Variants in ASPSCR1 observed in about 807,000 individuals in gnomAD.
The protein encoded by ASPSCR1 is ASPSCR1 tether for SLC2A4, UBX domain containing.
ASPSCR1 carries 55 observed loss-of-function variants against 68.9 expected under a neutral mutation model. The observed-to-expected ratio is 0.80, with a 90% confidence interval of 0.64 to 1.00. The LOEUF is 1.00. ASPSCR1 is among the 50% of genes least tolerant of loss of function. The probability of loss-of-function intolerance (pLI) is 0.00; values close to 1 mark genes in which losing one functional copy is unlikely to be tolerated. For missense variants in ASPSCR1, 765 were observed against 762.2 expected (o/e 1.00, Z -0.04); for synonymous variants, 352 against 332.6 (o/e 1.06, Z -0.63).
intron 4 of ASPSCR1, among the ~76,000 whole-genome samples, chr17:81,992,922 T>C (rs1026589727): frequency 1.3e-5 from 2 of 152,116 alleles, no homozygotes; most frequent in African/African-American, 4.8e-5. Context: ...GGCTCCCCTG[T>C]AGGCAGTGGA....
At position 81,996,033 on chromosome 17, in the gene ASPSCR1, G is replaced by A. The variant is rs746862778; in HGVS notation, c.474G>A (p.Ser158=). 3.1e-6 allele frequency: 5 copies of A among 1,610,212 alleles called. No homozygotes were observed. The highest frequency in any genetic ancestry group is 3.3e-5 in the Admixed American group (2 of 59,756). Residue 158 remains serine, a synonymous_variant, in exon 6 of 16, where the codon TCG becomes TCA. Coordinates refer to ENST00000306739, the MANE Select transcript of ASPSCR1 (RefSeq NM_024083.4). ...EAALRGTTLQ[S]LGLTGGSATI... ...CCCTGCGGGGCACGACGCTGCAGTC[G>A]CTGGGCCTGACCGGGGGCAGCGCCA...
intron 2 of ASPSCR1, among the ~76,000 whole-genome samples, chr17:81,982,421 T>C (rs747833748): frequency 1.3e-5 from 2 of 152,246 alleles, no homozygotes; most frequent in Non-Finnish European, 2.9e-5. Flanking sequence ...GCTTACAAAG[T>C]GCAGCCGGTG....
chr17:82,010,091 T>TTG lies in ASPSCR1; in HGVS notation c.1170+525_1170+526insGT, dbSNP rs750966096. The TTG allele has an allele frequency of 9.6e-4, 310 of 321,252 alleles. 1 individual carries two copies. Among genetic ancestry groups the TTG allele is most frequent in the South Asian group, 6.4e-3 (299 of 46,500 alleles). The allele number at this position is 321,252 out of a possible 1,614,324, so 19.9% of individuals were successfully genotyped here. A position where few individuals can be genotyped will look rare whatever the true frequency, so the allele number is the denominator to read the frequency against. ...CTAGCTCGGCTAATTTTTGTTGTTT[T>TTG]TTTTTTTTTTACTAGAGATGGAGTT... is the stretch of plus-strand genomic sequence containing the variant. On this transcript the variant is annotated intron_variant, in intron 9 of 15. Coordinates refer to ENST00000306739, the MANE Select transcript of ASPSCR1 (RefSeq NM_024083.4).
intron 4 of ASPSCR1, among the ~76,000 whole-genome samples, chr17:81,993,461 T>C (rs1425980457): frequency 6.6e-6 from 1 of 152,176 alleles, no homozygotes; most frequent in Non-Finnish European, 1.5e-5. Context: ...GATCCGCCCA[T>C]CTCGGCCTCC....
intron 7 of ASPSCR1, among the ~76,000 whole-genome samples, chr17:81,997,624 G>A (rs1402105883): frequency 1.3e-5 from 2 of 150,036 alleles, no homozygotes; most frequent in South Asian, 2.1e-4. Flanking sequence ...GAGTAGCTGG[G>A]ACTACAAGCG....
At chr17:82,015,517 C>CG in intron 12 of ASPSCR1, 1 of 938,778 alleles carries the variant, frequency 1.1e-6, no homozygotes, top group Non-Finnish European at 1.5e-6. Flanking sequence ...GGGTCCTGGC[C>CG]TGTGGGGGCT....
chr17:82,009,007 C>T (rs1021074679), intron 7 of ASPSCR1, 30 bp from the exon 8 acceptor site: 4 of 1,475,184 alleles, frequency 2.7e-6, no homozygotes, highest in African/African-American at 2.8e-5. Flanking sequence ...GCCCGTGACA[C>T]CCGCCGTCAG....
intron 7 of ASPSCR1, among the ~76,000 whole-genome samples, chr17:82,001,669 A>G (rs1440295782): frequency 6.6e-6 from 1 of 152,190 alleles, no homozygotes; most frequent in Non-Finnish European, 1.5e-5. Context: ...CGGCTGCTGC[A>G]GGGCGCAGAC....
At chr17:82,012,194 C>G (rs556993207) in intron 11 of ASPSCR1, 37 bp from the exon 12 acceptor site, 33 of 1,603,532 alleles carry the variant, frequency 2.1e-5, no homozygotes, top group Non-Finnish European at 2.8e-5. Flanking sequence ...GCGAGGTCCA[C>G]GGTGCTTCCT....
At chr17:81,982,723 T>C (rs185850440) in intron 2 of ASPSCR1, 1 of 147,470 alleles carries the variant, frequency 6.8e-6, no homozygotes, top group Non-Finnish European at 1.5e-5. Context: ...TTTTCTTTTC[T>C]TTCTTTTTCT....
At chr17:81,991,695 C>T (rs949200232) in intron 4 of ASPSCR1, among the ~76,000 whole-genome samples, 1 of 152,234 alleles carries the variant, frequency 6.6e-6, no homozygotes, top group African/African-American at 2.4e-5. Context: ...TCTGTCTAGC[C>T]GCTTGGCGGC....
At position 81,985,530 on chromosome 17, in the gene ASPSCR1, C is replaced by T. The variant is rs748292573; in HGVS notation, c.297C>T (p.Asp99=). The T allele has an allele frequency of 1.5e-5, 24 of 1,613,964 alleles. No homozygotes were observed. The highest frequency in any genetic ancestry group is 1.9e-5 in the Non-Finnish European group (22 of 1,180,036). Residue 99 remains aspartate, a synonymous_variant, in exon 4 of 16, where the codon GAC becomes GAT. Transcript: ENST00000306739. ...AGGTTCGCATCGCTTTGCAGCTGGA[C>T]GATGGCTCGAGGTTGCAGGACTCTT... ...ENMVRIALQL[D]DGSRLQDSFC...
intron 7 of ASPSCR1, among the ~76,000 whole-genome samples, chr17:82,000,266 G>C (rs4075239): frequency 0.5 from 76,784 of 152,198 alleles, 20,725 homozygotes; most frequent in Non-Finnish European, 0.61. Flanking sequence ...CATGGGGCTC[G>C]CAGCCCAGAG....
intron 9 of ASPSCR1, among the ~76,000 whole-genome samples, chr17:82,010,516 G>A (rs1167760383): frequency 3.6e-5 from 5 of 140,704 alleles, no homozygotes; most frequent in African/African-American, 5.4e-5. Flanking sequence ...GCGACAGAGT[G>A]AGACTCCATC....
Position 81,988,644 on chromosome 17 carries a change from G to A in ASPSCR1, c.374+3037G>A, listed in dbSNP as rs74883953. On this transcript the variant is annotated intron_variant, in intron 4 of 15. Coordinates refer to ENST00000306739, the MANE Select transcript of ASPSCR1 (RefSeq NM_024083.4). ...CATTTGATGAACACTCACACCTGTG[G>A]TGGAGAGTGATTTGTGGCTGACTGT... Among the ~76,000 whole-genome samples the A allele has an allele frequency of 1.7e-3, 266 of 152,284 alleles. 7 individuals are homozygous for A. The East Asian group carries it at 0.044, about 25-fold the overall frequency.
chr17:82,016,675 G>C, intron 13 of ASPSCR1, 125 bp from the exon 14 acceptor site: 2 of 1,443,138 alleles, frequency 1.4e-6, no homozygotes, highest in South Asian at 1.2e-5. Flanking sequence ...CTCCCCGAGA[G>C]AGGACTGGGA....
At chr17:81,979,031 C>T (rs552212399) in intron 1 of ASPSCR1, among the ~76,000 whole-genome samples, 153 bp from the exon 2 acceptor site, 2 of 152,214 alleles carry the variant, frequency 1.3e-5, no homozygotes, top group South Asian at 2.1e-4. Flanking sequence ...GCATTTGTTG[C>T]GGGGACCGTC....
At position 82,017,385 on chromosome 17, in the gene ASPSCR1, T is replaced by G; in HGVS notation, c.*63T>G. ...GGACCACCTCCTCTGCCAGCAGGAA[T>G]AAAGACTTGTGCATCCCTCAACGCC... On this transcript the variant is annotated 3_prime_UTR_variant, in exon 16 of 16. Transcript: ENST00000306739. 6.2e-7 allele frequency: 1 copy of G among 1,609,632 alleles called. No individual in the cohort carries two copies. Among genetic ancestry groups the G allele is most frequent in the Non-Finnish European group, 8.5e-7 (1 of 1,178,212 alleles).
intron 4 of ASPSCR1, among the ~76,000 whole-genome samples, chr17:81,991,197 C>T (rs987710116): frequency 3.9e-5 from 6 of 152,174 alleles, no homozygotes; most frequent in Admixed American, 6.5e-5. Flanking sequence ...GGGATTTGTC[C>T]TCTCTCAGAG....
Sources: gnomAD v4.1 joint callset for allele counts (sites outside exome capture counted in the v4.1 genomes callset) on GRCh38, gnomAD v4.1.1 for gene constraint, MANE v1.5 for transcripts, NCBI Gene and HGNC (gene_info 2026-07-23, HGNC 2026-07-21) for gene names.